The following ZYG11B variants were observed in gnomAD, a reference collection of about 807,000 sequenced individuals.
The protein encoded by ZYG11B is zyg-11 family member B, cell cycle regulator, also known as protein zyg-11 homolog B.
In ZYG11B, 36 loss-of-function variants were observed where a neutral mutation model predicts 82.4. The ratio of observed to expected loss-of-function variants is 0.44; its 90% CI spans 0.33 to 0.58. ZYG11B has a LOEUF of 0.58. Among genes scored for constraint, ZYG11B ranks in the 20% least tolerant of loss-of-function variants. The pLI is 0.02. For missense variants in ZYG11B, 552 were observed against 895.6 expected, an observed-to-expected ratio of 0.62 and a Z score of 4.90; for synonymous variants, 303 against 312.8, an observed-to-expected ratio of 0.97 and a Z score of 0.33.
rs1200562404 is a variant in ZYG11B at position 52,826,060 on chromosome 1, T to G, written c.*4431T>G. ...GGTGAAACCCATCCCTCTCCTGCCCTCTAATGGTATGTTTACATTATTTCG... is the reference window on the plus strand; with the variant it reads ...GGTGAAACCCATCCCTCTCCTGCCCGCTAATGGTATGTTTACATTATTTCG... On this transcript the variant is annotated 3_prime_UTR_variant, in exon 14 of 14. Coordinates refer to ENST00000294353, the MANE Select transcript of ZYG11B (RefSeq NM_024646.3). 1 of 152,198 alleles carries G rather than the reference T, an allele frequency of 6.6e-6. No homozygotes were observed. Among genetic ancestry groups the G allele is most frequent in the South Asian group, 2.1e-4 (1 of 4,834 alleles). 9.4% of individuals were successfully genotyped at this position (152,198 alleles called of 1,614,324 possible).
At chr1:52,770,721 G>A (rs535483701) in intron 2 of ZYG11B, among the ~76,000 whole-genome samples, 2 of 152,304 alleles carry the variant, frequency 1.3e-5, no homozygotes, top group African/African-American at 4.8e-5. Flanking sequence ...TAACTCCAGG[G>A]ATGGGCTGGG....
intron 1 of ZYG11B, among the ~76,000 whole-genome samples, chr1:52,743,097 G>A (rs1380042843): frequency 1.3e-5 from 2 of 151,994 alleles, no homozygotes; most frequent in South Asian, 2.1e-4. Context: ...TGACGATGGC[G>A]GTTTTGTCGA....
chr1:52,786,402 C>T (rs140110048), intron 5 of ZYG11B, among the ~76,000 whole-genome samples: 11 of 152,174 alleles, frequency 7.2e-5, no homozygotes, highest in Middle Eastern at 3.4e-3. Context: ...GTAGGTGAAT[C>T]GTATGGTACA....
At chr1:52,808,083 C>A (rs536023169) in intron 10 of ZYG11B, among the ~76,000 whole-genome samples, 24 of 152,272 alleles carry the variant, frequency 1.6e-4, no homozygotes, top group African/African-American at 5.1e-4. Flanking sequence ...GATTAGTTGG[C>A]CGGACACGGT....
At chr1:52,754,959 CT>C (rs34416689) in intron 1 of ZYG11B, among the ~76,000 whole-genome samples, 265 of 126,648 alleles carry the variant, frequency 2.1e-3, no homozygotes, top group African/African-American at 5.6e-3. Context: ...AAAGCCTATT[CT>C]TTTTTTTTTT....
intron 6 of ZYG11B, among the ~76,000 whole-genome samples, chr1:52,793,889 T>G (rs1053163646): frequency 2.0e-5 from 3 of 148,038 alleles, no homozygotes; most frequent in African/African-American, 5.2e-5. Flanking sequence ...CCTTCCTTCC[T>G]TCCTTCCTTC....
chr1:52,784,992 T>C lies in ZYG11B; in HGVS notation c.1208T>C (p.Leu403Pro). Residue 403 changes from leucine (L) to proline (P), a missense_variant, in exon 5 of 14, where the codon CTC becomes CCC. Leu to Pro is a moderately conservative substitution (Grantham distance 98). Around this residue, in one of 3 missense-constraint regions of ZYG11B, gnomAD observed 359 missense variants for 555.8 expected, o/e 0.65. Coordinates refer to ENST00000294353, the MANE Select transcript of ZYG11B (RefSeq NM_024646.3). ...CTTGCTGCAGGGATGCCTGTCCGAC[T>C]CCTGGCTGATGTGACCCATTTGCTG... ...QDLAAGMPVRLLADVTHLLLK... is the reference protein window; with the variant it reads ...QDLAAGMPVRPLADVTHLLLK... 6.2e-7 allele frequency: 1 copy of C among 1,614,162 alleles called. No homozygotes were observed. The highest frequency in any genetic ancestry group is 2.2e-5 in the East Asian group (1 of 44,880).
intron 1 of ZYG11B, among the ~76,000 whole-genome samples, chr1:52,728,706 G>C (rs1336337655): frequency 7.9e-5 from 12 of 152,202 alleles, no homozygotes; most frequent in Admixed American, 7.9e-4. Context: ...ATGAGAGGGA[G>C]GAGTTATGAA....
chr1:52,731,904 G>C (rs532912026), intron 1 of ZYG11B, among the ~76,000 whole-genome samples: 7 of 152,266 alleles, frequency 4.6e-5, no homozygotes, highest in Middle Eastern at 6.8e-3. Flanking sequence ...CCAGGCCCAA[G>C]CCATCCTCCC....
At chr1:52,756,736 G>C in intron 2 of ZYG11B, 113 bp downstream of exon 2, 1 of 974,686 alleles carries the variant, frequency 1.0e-6, no homozygotes, top group Non-Finnish European at 1.5e-6. Context: ...AAGGCCAAAT[G>C]AGCCTGATTC....
chr1:52,727,101 C>T (rs888230978), intron 1 of ZYG11B, among the ~76,000 whole-genome samples: 4 of 152,016 alleles, frequency 2.6e-5, no homozygotes, highest in African/African-American at 4.8e-5. Flanking sequence ...TCTCACCCCT[C>T]TTCACCATTT....
chr1:52,768,840 CGCCTCG>C (rs1258790057), intron 2 of ZYG11B, among the ~76,000 whole-genome samples: 1 of 152,066 alleles, frequency 6.6e-6, no homozygotes, highest in African/African-American at 2.4e-5. Flanking sequence ...GTGATCCATC[CGCCTCG>C]GCCTCCCAAA....
At chr1:52,805,299 C>T in intron 10 of ZYG11B, 2 of 329,758 alleles carry the variant, frequency 6.1e-6, no homozygotes, top group East Asian at 1.5e-4. Flanking sequence ...GCTTGTTTTC[C>T]ACATGCAAGC....
chr1:52,801,665 A>G (rs934007575), intron 8 of ZYG11B, among the ~76,000 whole-genome samples, 154 bp from the exon 9 acceptor site: 2 of 152,192 alleles, frequency 1.3e-5, no homozygotes, highest in African/African-American at 4.8e-5. Flanking sequence ...TTCTTGAAGA[A>G]AAGTTCAGTC....
intron 4 of ZYG11B, among the ~76,000 whole-genome samples, chr1:52,782,756 C>T (rs920375801): frequency 1.3e-5 from 2 of 151,378 alleles, no homozygotes; most frequent in East Asian, 2.0e-4. Context: ...TTTGTAGAGA[C>T]GGGGGTCACA....
intron 2 of ZYG11B, among the ~76,000 whole-genome samples, chr1:52,758,282 TATAGA>T (rs1644597301): frequency 6.6e-6 from 1 of 152,052 alleles, no homozygotes; most frequent in East Asian, 1.9e-4. Flanking sequence ...TGTCCACAGC[TATAGA>T]ATAGAATGTA....
At chr1:52,768,314 C>T (rs780850558) in intron 2 of ZYG11B, among the ~76,000 whole-genome samples, 11 of 152,084 alleles carry the variant, frequency 7.2e-5, no homozygotes, top group African/African-American at 9.7e-5. Flanking sequence ...AACTTTTCTG[C>T]GTTGTTCCAT....
chr1:52,803,132 A>ATC lies in ZYG11B; in HGVS notation c.1695+994_1695+995insCT, dbSNP rs1645098144. ...TATATATATATACACACATATATATATACACACATATATATATATATACAC... is the reference window on the plus strand; with the variant it reads ...TATATATATATACACACATATATATATCTACACACATATATATATATATACAC... On this transcript the variant is annotated intron_variant, in intron 10 of 13. Coordinates refer to ENST00000294353, the MANE Select transcript of ZYG11B (RefSeq NM_024646.3). Among the ~76,000 whole-genome samples the ATC allele has an allele frequency of 2.8e-4, 20 of 71,682 alleles. 1 individual carries two copies. The highest frequency in any genetic ancestry group is 8.7e-4 in the Admixed American group (5 of 5,724). The allele number at this position is 71,682 out of a possible 152,430, so 47.0% of individuals were successfully genotyped here.
intron 3 of ZYG11B, among the ~76,000 whole-genome samples, chr1:52,776,229 A>AAAAAAAAAAAAAAAAAAAAAAATATATAT: frequency 4.2e-5 from 1 of 23,544 alleles, no homozygotes; most frequent in African/African-American, 9.5e-5. Context: ...TAAAAAAAAA[A>AAAAAAAAAAAAAAAAAAAAAAATATATAT]ATATATATAT....
Sources: allele counts gnomAD v4.1 joint callset (sites outside exome capture counted in the v4.1 genomes callset), GRCh38; gene constraint gnomAD v4.1.1; regional missense constraint gnomAD v4.1.1; transcripts MANE v1.5; gene names NCBI Gene and HGNC (gene_info 2026-07-23, HGNC 2026-07-21).